Variants in MRPL1 observed in about 807,000 individuals in gnomAD.
The protein encoded by MRPL1 is large ribosomal subunit protein uL1m.
A neutral mutation model predicts 38.0 loss-of-function variants in MRPL1; 28 were observed. The observed-to-expected ratio is 0.74, with a 90% CI of 0.55 to 1.01. The LOEUF (loss-of-function observed/expected upper bound fraction) is 1.01, where lower values mean the gene tolerates loss of function less well. Ranked by LOEUF, MRPL1 falls within the 50% of genes least tolerant of loss-of-function variation. The pLI, the probability that MRPL1 is intolerant of heterozygous loss-of-function variation, is 0.00. For synonymous variants in MRPL1, 123 were observed against 126.7 expected, an observed-to-expected ratio of 0.97 and a Z score of 0.20; for missense variants, 358 against 389.8, an observed-to-expected ratio of 0.92 and a Z score of 0.69.
At chr4:77,911,306 A>C (rs1408896237) in intron 7 of MRPL1, among the ~76,000 whole-genome samples, 1 of 152,126 alleles carries the variant, frequency 6.6e-6, no homozygotes, top group Non-Finnish European at 1.5e-5. Flanking sequence ...GTTTATGTAG[A>C]TCCTGACTCA....
chr4:77,885,048 GA>G (rs934119735), intron 3 of MRPL1, among the ~76,000 whole-genome samples: 14 of 150,468 alleles, frequency 9.3e-5, no homozygotes, highest in African/African-American at 1.7e-4. Flanking sequence ...AAAGTTTCTT[GA>G]AAAAAAAATA....
intron 1 of MRPL1, among the ~76,000 whole-genome samples, chr4:77,867,448 T>TA (rs1178356015): frequency 6.6e-6 from 1 of 152,262 alleles, no homozygotes; most frequent in African/African-American, 2.4e-5. Context: ...AGGTGCTAGG[T>TA]ATACAATGCT....
chr4:77,868,996 A>T (rs1417676808), intron 1 of MRPL1, among the ~76,000 whole-genome samples: 1 of 152,208 alleles, frequency 6.6e-6, no homozygotes, highest in Non-Finnish European at 1.5e-5. Context: ...GGTGGAAAAG[A>T]AATGGAGAGG....
chr4:77,937,713 A>G (rs1214473920), intron 7 of MRPL1, among the ~76,000 whole-genome samples: 1 of 152,156 alleles, frequency 6.6e-6, no homozygotes, highest in African/African-American at 2.4e-5. Context: ...AATTGTTGGC[A>G]TCTTTCTTTA....
chr4:77,893,819 A>G (rs140157779), intron 5 of MRPL1, among the ~76,000 whole-genome samples: 20 of 152,286 alleles, frequency 1.3e-4, no homozygotes, highest in African/African-American at 4.6e-4. Context: ...AAATATATGA[A>G]TTTAACTTTG....
At chr4:77,871,697 TATA>T (rs1735284668) in intron 1 of MRPL1, 44 bp from the exon 2 acceptor site, 1 of 851,970 alleles carries the variant, frequency 1.2e-6, no homozygotes, top group Non-Finnish European at 1.8e-6. Flanking sequence ...AAATTATGAA[TATA>T]ATGATTATTT....
intron 7 of MRPL1, among the ~76,000 whole-genome samples, chr4:77,946,052 T>C (rs1737257002): frequency 1.3e-5 from 2 of 152,138 alleles, no homozygotes; most frequent in Non-Finnish European, 2.9e-5. Flanking sequence ...CCCACCCTAA[T>C]AAGACTGAGG....
At chr4:77,892,950 G>A (rs1457575681) in intron 5 of MRPL1, among the ~76,000 whole-genome samples, 2 of 146,546 alleles carry the variant, frequency 1.4e-5, no homozygotes, top group Admixed American at 6.9e-5. Context: ...CATGAGAAGT[G>A]CCCATTTAAT....
At chr4:77,950,776 T>C (rs1278187868) in intron 8 of MRPL1, among the ~76,000 whole-genome samples, 1 of 152,228 alleles carries the variant, frequency 6.6e-6, no homozygotes, top group Non-Finnish European at 1.5e-5. Context: ...TAGGAGTAGA[T>C]GATGGACAGT....
At chr4:77,907,035 A>G (rs1736174358) in intron 6 of MRPL1, 1 of 985,376 alleles carries the variant, frequency 1.0e-6, no homozygotes, top group Non-Finnish European at 1.2e-6. Flanking sequence ...CCTAGGAATA[A>G]TGTATGCTGA....
chr4:77,936,168 AT>A (rs5859592), intron 7 of MRPL1, among the ~76,000 whole-genome samples: 46 of 148,846 alleles, frequency 3.1e-4, no homozygotes, highest in Non-Finnish European at 3.9e-4. Context: ...GTATGGACGT[AT>A]TTTTTTTTTA....
intron 7 of MRPL1, among the ~76,000 whole-genome samples, chr4:77,920,883 C>T (rs1026365932): frequency 6.6e-6 from 1 of 152,130 alleles, no homozygotes; most frequent in Admixed American, 6.6e-5. Context: ...GTGTCTCAGC[C>T]TCCTGAGTAG....
At position 77,944,100 on chromosome 4, in the gene MRPL1, C is replaced by T. The variant is rs530360445; in HGVS notation, c.778-5697C>T. Among the ~76,000 whole-genome samples the T allele has an allele frequency of 2.0e-3, 300 of 152,358 alleles. 1 individual carries two copies. Among genetic ancestry groups the T allele is most frequent in the African/African-American group, 6.9e-3 (288 of 41,588 alleles). On this transcript the variant is annotated intron_variant, in intron 7 of 8. Transcript: ENST00000315567. The stretch of plus-strand genomic sequence containing the variant: ...TGTTCCACTGATGTAGTGCTCCCCT[C>T]CTTCCCCTAGGGATGGGGATTCCTG...
rs146609300 is a variant in MRPL1 at position 77,935,141 on chromosome 4, G to A, written c.778-14656G>A. ...TTACCAGGAGTCAGGAGTGGATGGTGTTTGTGCCTGAGAGAAATCACATGA... is the reference window on the plus strand; with the variant it reads ...TTACCAGGAGTCAGGAGTGGATGGTATTTGTGCCTGAGAGAAATCACATGA... On this transcript the variant is annotated intron_variant, in intron 7 of 8. Coordinates refer to ENST00000315567, the MANE Select transcript of MRPL1 (RefSeq NM_020236.4). Among the ~76,000 whole-genome samples the A allele has an allele frequency of 1.1e-3, 171 of 152,262 alleles. 1 individual carries two copies. Among genetic ancestry groups the A allele is most frequent in the African/African-American group, 4.1e-3 (169 of 41,550 alleles).
intron 1 of MRPL1, among the ~76,000 whole-genome samples, chr4:77,866,288 G>A (rs2110226089): frequency 6.6e-6 from 1 of 152,282 alleles, no homozygotes. Context: ...CTGACCTCAG[G>A]TGATCCACCC....
intron 6 of MRPL1, among the ~76,000 whole-genome samples, chr4:77,898,706 C>G (rs1358403439): frequency 6.6e-6 from 1 of 152,026 alleles, no homozygotes; most frequent in Non-Finnish European, 1.5e-5. Context: ...GTTGGCCAGG[C>G]TGGTCTCAAA....
At chr4:77,897,681 G>A (rs1300496969) in intron 6 of MRPL1, among the ~76,000 whole-genome samples, 3 of 152,218 alleles carry the variant, frequency 2.0e-5, no homozygotes, top group Admixed American at 6.5e-5. Context: ...TGTATCATAC[G>A]TGAGACTCAT....
chr4:77,931,895 C>G (rs1267876942), intron 7 of MRPL1, among the ~76,000 whole-genome samples: 1 of 151,912 alleles, frequency 6.6e-6, no homozygotes, highest in Non-Finnish European at 1.5e-5. Flanking sequence ...AGTACATGCC[C>G]TTAACTCTCA....
intron 7 of MRPL1, among the ~76,000 whole-genome samples, chr4:77,914,214 C>T (rs1736362383): frequency 6.6e-6 from 1 of 151,874 alleles, no homozygotes; most frequent in Non-Finnish European, 1.5e-5. Context: ...AAGCCAGACA[C>T]AGAAACTACT....
Sources: gnomAD v4.1 joint callset for allele counts (sites outside exome capture counted in the v4.1 genomes callset) on GRCh38, gnomAD v4.1.1 for gene constraint, MANE v1.5 for transcripts, NCBI Gene and HGNC (gene_info 2026-07-23, HGNC 2026-07-21) for gene names.